The following NPEPPS variants were observed in gnomAD, a reference collection of about 807,000 sequenced individuals.
The protein encoded by NPEPPS is aminopeptidase puromycin sensitive, also known as puromycin-sensitive aminopeptidase.
A neutral mutation model predicts 115.5 loss-of-function variants in NPEPPS; 14 were observed. The observed-to-expected ratio is 0.12, with a 90% CI of 0.08 to 0.19. The LOEUF (loss-of-function observed/expected upper bound fraction) is 0.19, where lower values mean the gene tolerates loss of function less well. Ranked by LOEUF, NPEPPS falls within the 10% of genes least tolerant of loss-of-function variation. The pLI, the probability that NPEPPS is intolerant of heterozygous loss-of-function variation, is 1.00. For missense variants in NPEPPS, 523 were observed against 1,110.8 expected (o/e 0.47, Z 7.52); for synonymous variants, 285 against 390.6 (o/e 0.73, Z 3.19).
intron 1 of NPEPPS, among the ~76,000 whole-genome samples, chr17:47,535,114 G>C (rs1435530460): frequency 6.7e-6 from 1 of 149,054 alleles, no homozygotes; most frequent in Non-Finnish European, 1.5e-5. Context: ...GTGGTGGCGG[G>C]AGCCTGTAGT....
intron 1 of NPEPPS, among the ~76,000 whole-genome samples, chr17:47,543,372 G>A (rs951469083): frequency 1.3e-5 from 2 of 151,112 alleles, no homozygotes; most frequent in African/African-American, 2.4e-5. Context: ...AGGCTGGAGT[G>A]CAATGGCTCA....
chr17:47,579,952 T>C, intron 4 of NPEPPS: 1 of 165,260 alleles, frequency 6.1e-6, no homozygotes, highest in East Asian at 1.8e-4. Context: ...TGTGTGTGTG[T>C]GTGTGTGTGT....
intron 17 of NPEPPS, among the ~76,000 whole-genome samples, chr17:47,611,846 C>G (rs757889223): frequency 6.6e-6 from 1 of 152,168 alleles, no homozygotes; most frequent in Non-Finnish European, 1.5e-5. Context: ...TGTGTTCCCA[C>G]CAGCAGTGTT....
At chr17:47,583,264 G>T (rs1911996274) in intron 5 of NPEPPS, among the ~76,000 whole-genome samples, 1 of 151,922 alleles carries the variant, frequency 6.6e-6, no homozygotes, top group Admixed American at 6.6e-5. Context: ...AAATTGACAA[G>T]TTTAATAGAT....
At chr17:47,523,711 C>T (rs545527580) in intron 1 of NPEPPS, among the ~76,000 whole-genome samples, 1 of 152,260 alleles carries the variant, frequency 6.6e-6, no homozygotes, top group South Asian at 2.1e-4. Flanking sequence ...GCATGAACCA[C>T]CATGCCTGGC....
chr17:47,616,527 T>C (rs1157273295), intron 19 of NPEPPS, among the ~76,000 whole-genome samples: 2 of 151,898 alleles, frequency 1.3e-5, no homozygotes, highest in East Asian at 1.9e-4. Flanking sequence ...CTACTAAATA[T>C]ACAAAAATTC....
chr17:47,583,887 A>T (rs1432389926), intron 5 of NPEPPS, among the ~76,000 whole-genome samples: 1 of 150,886 alleles, frequency 6.6e-6, no homozygotes, highest in Non-Finnish European at 1.5e-5. Flanking sequence ...GTGCCACTGT[A>T]TTCCAGCCTG....
chr17:47,530,368 T>G (rs1907649559), upstream of NPEPPS, among the ~76,000 whole-genome samples: 1 of 142,680 alleles, frequency 7.0e-6, no homozygotes, highest in Non-Finnish European at 1.5e-5. Context: ...TTTTTTTTTT[T>G]TTTTTTGAGA....
At chr17:47,548,444 C>T (rs1330134389) in intron 2 of NPEPPS, 1 of 151,532 alleles carries the variant, frequency 6.6e-6, no homozygotes, top group Non-Finnish European at 1.5e-5. Context: ...TGTTTAAATT[C>T]GATGTGTGGT....
chr17:47,597,188 G>A (rs1027476766), intron 13 of NPEPPS, among the ~76,000 whole-genome samples: 2 of 152,106 alleles, frequency 1.3e-5, no homozygotes, highest in African/African-American at 4.8e-5. Context: ...ATTGTGTAAA[G>A]TAGGTTTTTA....
At chr17:47,559,417 T>A (rs1261396176) in intron 2 of NPEPPS, among the ~76,000 whole-genome samples, 4 of 152,166 alleles carry the variant, frequency 2.6e-5, no homozygotes, top group African/African-American at 9.7e-5. Flanking sequence ...TTTGCTTGGT[T>A]TTGGGTTTTT....
At chr17:47,610,384 CTT>C (rs879852800) in intron 17 of NPEPPS, among the ~76,000 whole-genome samples, 2 of 148,750 alleles carry the variant, frequency 1.3e-5, no homozygotes, top group Non-Finnish European at 1.5e-5. Context: ...TCTTTCATTC[CTT>C]TTTTTTTTGG....
intron 12 of NPEPPS, among the ~76,000 whole-genome samples, chr17:47,593,780 G>A (rs1912661118): frequency 6.6e-6 from 1 of 152,188 alleles, no homozygotes; most frequent in African/African-American, 2.4e-5. Context: ...TTACTGTACT[G>A]AATACCATAG....
intron 1 of NPEPPS, among the ~76,000 whole-genome samples, chr17:47,544,912 C>T (rs1192567777): frequency 5.4e-5 from 8 of 149,182 alleles, no homozygotes; most frequent in South Asian, 2.2e-4. Context: ...ACCATGTTGG[C>T]CAGGCTGATC....
intron 3 of NPEPPS, 80 bp from the exon 4 acceptor site, chr17:47,579,310 T>C (rs1421808429): frequency 9.5e-7 from 1 of 1,047,928 alleles, no homozygotes; most frequent in East Asian, 2.6e-5. Context: ...GCTAACTGAA[T>C]ATAGTGTCTT....
At chr17:47,573,921 CTA>C (rs1331731667) in intron 3 of NPEPPS, among the ~76,000 whole-genome samples, 2 of 151,656 alleles carry the variant, frequency 1.3e-5, no homozygotes, top group Non-Finnish European at 2.9e-5. Flanking sequence ...TCATTACAGA[CTA>C]TATATATTCT....
intron 2 of NPEPPS, among the ~76,000 whole-genome samples, chr17:47,561,811 C>G (rs1308710321): frequency 6.6e-6 from 1 of 152,200 alleles, no homozygotes; most frequent in Non-Finnish European, 1.5e-5. Flanking sequence ...GGCATCCTGC[C>G]CTGTACTTGG....
At position 47,618,465 on chromosome 17, in the gene NPEPPS, A is replaced by G. The variant is rs1361299215; in HGVS notation, c.2403+8A>G. 1.3e-6 allele frequency: 2 copies of G among 1,568,608 alleles called. No individual in the cohort carries two copies. Among genetic ancestry groups the G allele is most frequent in the Admixed American group, 1.7e-5 (1 of 59,892 alleles). On this transcript the variant is annotated splice_region_variant and intron_variant, in intron 20 of 22. Transcript: ENST00000322157. ...CTCACGTTTGCACTTTCAGTAAGTT[A>G]CGGTGAAAACTGCATTTAGAAGTGA...
chr17:47,596,393 T>C lies in NPEPPS; in HGVS notation c.1467T>C (p.Pro489=). The change falls in exon 13 of 23, where the codon CCT becomes CCC. Residue 489 remains proline, a synonymous_variant. Coordinates refer to ENST00000322157, the MANE Select transcript of NPEPPS (RefSeq NM_006310.4). Reference sequence around the variant, plus strand: ...GTTTAGAAAATGCTAGTGGTAAACCTATAGCAGCTGTGATGAATACCTGGA... The same window carrying C: ...GTTTAGAAAATGCTAGTGGTAAACCCATAGCAGCTGTGATGAATACCTGGA... ...WESLENASGK[P]IAAVMNTWTK... 4 of 1,597,206 alleles carry C rather than the reference T, an allele frequency of 2.5e-6. No individual in the cohort carries two copies. The highest frequency in any genetic ancestry group is 3.4e-6 in the Non-Finnish European group (4 of 1,171,054).
Sources: allele counts gnomAD v4.1 joint callset (sites outside exome capture counted in the v4.1 genomes callset), GRCh38; gene constraint gnomAD v4.1.1; transcripts MANE v1.5; gene names NCBI Gene and HGNC (gene_info 2026-07-23, HGNC 2026-07-21).